Variants in CCDC25 observed in about 807,000 individuals in gnomAD.
CCDC25 encodes coiled-coil domain-containing protein 25.
A neutral mutation model predicts 35.3 loss-of-function variants in CCDC25; 16 were observed. That is an observed-to-expected ratio of 0.45 (90% CI 0.31 to 0.69). The LOEUF (loss-of-function observed/expected upper bound fraction) is 0.69. Ranked by LOEUF, CCDC25 falls within the 30% of genes least tolerant of loss-of-function variation. The probability of loss-of-function intolerance (pLI) is 0.06; values close to 1 mark genes in which losing one functional copy is unlikely to be tolerated. For missense variants in CCDC25, 179 were observed against 250.7 expected (o/e 0.71, Z 1.93); for synonymous variants, 79 against 80.3 (o/e 0.98, Z 0.09).
chr8:27,747,033 C>A (rs6989156), intron 7 of CCDC25, among the ~76,000 whole-genome samples: 130,639 of 152,142 alleles, frequency 0.86, 56,368 homozygotes, highest in Non-Finnish European at 0.9. Flanking sequence ...TGCAAATAAA[C>A]AAACATGGAA....
Position 27,761,706 on chromosome 8 carries a change from C to CA in CCDC25, c.116+712dup, listed in dbSNP as rs532281777. Among the ~76,000 whole-genome samples the CA allele has an allele frequency of 2.1e-4, 32 of 152,216 alleles. No individual in the cohort carries two copies. In the East Asian group the frequency reaches 6.2e-3, roughly 29 times the overall value. On this transcript the variant is annotated intron_variant, in intron 3 of 8. Coordinates refer to ENST00000356537, the MANE Select transcript of CCDC25 (RefSeq NM_018246.3). ...GAAAACGAAAGTAGACTGGGTGTGA[C>CA]AGTGTTATAGGACAGAAGCCCATGT...
chr8:27,750,438 C>A (rs1457448095), intron 5 of CCDC25, among the ~76,000 whole-genome samples: 1 of 152,146 alleles, frequency 6.6e-6, no homozygotes, highest in Non-Finnish European at 1.5e-5. Context: ...AGCACAGGGC[C>A]AGGCATGTAA....
chr8:27,742,693 T>C (rs980487708), intron 7 of CCDC25, among the ~76,000 whole-genome samples: 10 of 152,168 alleles, frequency 6.6e-5, no homozygotes, highest in Non-Finnish European at 1.5e-4. Context: ...GGTGAAACCC[T>C]GTCTTTACTG....
intron 1 of CCDC25, among the ~76,000 whole-genome samples, chr8:27,767,939 C>T (rs1312537825): frequency 6.6e-6 from 1 of 152,094 alleles, no homozygotes; most frequent in Non-Finnish European, 1.5e-5. Flanking sequence ...CAGTGGCTCA[C>T]GTCTGTAATC....
At chr8:27,742,142 G>C (rs747531070) in intron 7 of CCDC25, among the ~76,000 whole-genome samples, 1 of 152,184 alleles carries the variant, frequency 6.6e-6, no homozygotes, top group African/African-American at 2.4e-5. Flanking sequence ...GAGACATGCC[G>C]CATTTGAAGT....
rs1384557742 is a variant in CCDC25, at chr8:27,735,316, T to C, written c.*900A>G. 3 of 152,594 alleles carry C rather than the reference T, an allele frequency of 2.0e-5. No homozygotes were observed. Among genetic ancestry groups the C allele is most frequent in the Non-Finnish European group, 4.4e-5 (3 of 68,056 alleles). 9.5% of individuals were successfully genotyped at this position (152,594 alleles called of 1,614,324 possible). On this transcript the variant is annotated 3_prime_UTR_variant, in exon 9 of 9. Transcript: ENST00000356537. ...GTGGAATATCTGCTGCAGGAGGTCA[T>C]TCTTGCTGCTGTGGGTGTGAGTAAA... is the stretch of plus-strand genomic sequence containing the variant.
chr8:27,765,111 C>T lies in CCDC25; in HGVS notation c.76+93G>A, dbSNP rs1371846163. ...TATCAAAGTAGGTGAAAACTCAGAA[C>T]CAACAAACTGGGTGGGGGGCATGGA... On this transcript the variant is annotated intron_variant, in intron 2 of 8. Coordinates refer to ENST00000356537, the MANE Select transcript of CCDC25 (RefSeq NM_018246.3). The T allele has an allele frequency of 5.7e-6, 7 of 1,218,344 alleles. No homozygotes were observed. In the African/African-American group the frequency reaches 9.4e-5, roughly 16 times the overall value. 75.5% of individuals were successfully genotyped at this position (1,218,344 alleles called of 1,614,324 possible).
chr8:27,751,089 T>G (rs1317095541), intron 5 of CCDC25, among the ~76,000 whole-genome samples: 5 of 152,242 alleles, frequency 3.3e-5, no homozygotes, highest in African/African-American at 4.8e-5. Context: ...TTCAGTGTCA[T>G]GACTCTTTGC....
At chr8:27,750,403 G>A (rs10216777) in intron 5 of CCDC25, among the ~76,000 whole-genome samples, 64,653 of 151,884 alleles carry the variant, frequency 0.43, 14,020 homozygotes, top group East Asian at 0.63. Context: ...CTAACTCAAC[G>A]GGGTGGATAA....
rs774305168 is a variant in CCDC25 at position 27,748,485 on chromosome 8, A to G, written c.348+10T>C. On this transcript the variant is annotated intron_variant, in intron 6 of 8. Transcript: ENST00000356537. ...GGGCTCCGCCTCCTTCAGTGGCACAAAACACTTACATCCTTCTGCCTGTGA... is the reference window on the plus strand; with the variant it reads ...GGGCTCCGCCTCCTTCAGTGGCACAGAACACTTACATCCTTCTGCCTGTGA... 2 of 1,607,130 alleles carry G rather than the reference A, an allele frequency of 1.2e-6. No homozygotes were observed. The highest frequency in any genetic ancestry group is 2.2e-5 in the South Asian group (2 of 90,908).
chr8:27,756,849 T>C, intron 3 of CCDC25, 79 bp from the exon 4 acceptor site: 2 of 1,050,544 alleles, frequency 1.9e-6, no homozygotes, highest in South Asian at 2.6e-5. Flanking sequence ...TAAAGCATTC[T>C]GTTCTAAAAA....
At chr8:27,763,075 C>CT (rs1409570734) in intron 2 of CCDC25, among the ~76,000 whole-genome samples, 11 of 152,166 alleles carry the variant, frequency 7.2e-5, no homozygotes, top group Non-Finnish European at 1.5e-5. Flanking sequence ...TACTACTTGA[C>CT]TTTTTAAACT....
At chr8:27,746,958 T>G (rs949867343) in intron 7 of CCDC25, among the ~76,000 whole-genome samples, 1 of 152,204 alleles carries the variant, frequency 6.6e-6, no homozygotes, top group Non-Finnish European at 1.5e-5. Context: ...ATGTTTCTGA[T>G]TCTACACCAT....
At chr8:27,763,780 A>T (rs894992179) in intron 2 of CCDC25, among the ~76,000 whole-genome samples, 27 of 152,180 alleles carry the variant, frequency 1.8e-4, no homozygotes, top group African/African-American at 6.5e-4. Context: ...AATGTACCCA[A>T]GAAAGTATGG....
At chr8:27,757,920 T>G (rs762300875) in intron 3 of CCDC25, among the ~76,000 whole-genome samples, 3 of 152,126 alleles carry the variant, frequency 2.0e-5, no homozygotes, top group Non-Finnish European at 4.4e-5. Context: ...TGTTTAAAAG[T>G]GCACAGCCCC....
intron 7 of CCDC25, among the ~76,000 whole-genome samples, chr8:27,746,651 G>A (rs928553585): frequency 3.9e-5 from 6 of 152,080 alleles, no homozygotes; most frequent in East Asian, 1.9e-4. Flanking sequence ...AGTTAATACC[G>A]TTTCTTTCAC....
At chr8:27,738,361 T>C (rs1443183971) in intron 8 of CCDC25, among the ~76,000 whole-genome samples, 1 of 152,114 alleles carries the variant, frequency 6.6e-6, no homozygotes, top group Non-Finnish European at 1.5e-5. Flanking sequence ...GGAGAAAAAC[T>C]AGGAAAACAT....
chr8:27,758,545 A>G (rs1804099554), intron 3 of CCDC25, among the ~76,000 whole-genome samples: 1 of 152,256 alleles, frequency 6.6e-6, no homozygotes, highest in South Asian at 2.1e-4. Context: ...TATCACCTTC[A>G]GCTGGACATT....
At chr8:27,757,930 C>T (rs897111340) in intron 3 of CCDC25, among the ~76,000 whole-genome samples, 10 of 152,094 alleles carry the variant, frequency 6.6e-5, no homozygotes, top group Admixed American at 1.3e-4. Flanking sequence ...TGCACAGCCC[C>T]GGCACCCTGC....
Sources: gnomAD v4.1 joint callset for allele counts (sites outside exome capture counted in the v4.1 genomes callset) on GRCh38, gnomAD v4.1.1 for gene constraint, MANE v1.5 for transcripts, NCBI Gene and HGNC (gene_info 2026-07-23, HGNC 2026-07-21) for gene names.